Variants in TYW1B observed in about 807,000 individuals in gnomAD.
TYW1B encodes the protein tRNA-yW synthesizing protein 1 homolog B.
TYW1B carries 73 observed loss-of-function variants against 86.9 expected under a neutral mutation model. That is an observed-to-expected ratio of 0.84 (90% CI 0.70 to 1.02). TYW1B has a LOEUF of 1.02. Among genes scored for constraint, TYW1B ranks in the 50% least tolerant of loss-of-function variants. The pLI is 0.00. For synonymous variants in TYW1B, 248 were observed against 292.8 expected (o/e 0.85, Z 1.56); for missense variants, 637 against 827.4 (o/e 0.77, Z 2.82).
intron 2 of TYW1B, among the ~76,000 whole-genome samples, chr7:72,825,551 G>A (rs1272777511): frequency 1.3e-5 from 2 of 152,082 alleles, no homozygotes; most frequent in Non-Finnish European, 2.9e-5. Context: ...GTGGTAGCAG[G>A]CACCTATAAT....
intron 11 of TYW1B, among the ~76,000 whole-genome samples, chr7:72,689,383 T>G (rs1327490844): frequency 6.6e-6 from 1 of 152,192 alleles, no homozygotes; most frequent in Admixed American, 6.5e-5. Flanking sequence ...ATGCAACATG[T>G]CATTTCTGGC....
intron 12 of TYW1B, among the ~76,000 whole-genome samples, chr7:72,619,647 CAAAAA>C (rs34309451): frequency 1.5e-5 from 1 of 68,762 alleles, no homozygotes; most frequent in African/African-American, 5.6e-5. Flanking sequence ...GACTCCGTCT[CAAAAA>C]AAAAAAAAAA....
intron 8 of TYW1B, among the ~76,000 whole-genome samples, chr7:72,738,537 G>T (rs1323009225): frequency 6.6e-6 from 1 of 152,046 alleles, no homozygotes; most frequent in Non-Finnish European, 1.5e-5. Flanking sequence ...TATGCATTAG[G>T]GAATGCTTAG....
chr7:72,765,182 C>G (rs1368375353), intron 7 of TYW1B, among the ~76,000 whole-genome samples: 4 of 152,156 alleles, frequency 2.6e-5, no homozygotes, highest in Non-Finnish European at 4.4e-5. Context: ...GGAAGGCTCA[C>G]GATCCTTAAG....
intron 8 of TYW1B, among the ~76,000 whole-genome samples, chr7:72,736,448 C>CT (rs1211643762): frequency 6.6e-6 from 1 of 152,164 alleles, no homozygotes; most frequent in Admixed American, 6.5e-5. Flanking sequence ...TAGCACAGGT[C>CT]TTTGAATAAA....
chr7:72,655,190 T>A (rs1258173247), intron 11 of TYW1B, among the ~76,000 whole-genome samples: 1 of 151,890 alleles, frequency 6.6e-6, no homozygotes, highest in Non-Finnish European at 1.5e-5. Flanking sequence ...ATTGGGAATG[T>A]CTAAGACACA....
At chr7:72,721,929 A>C (rs1554457624) in intron 9 of TYW1B, among the ~76,000 whole-genome samples, 1 of 152,152 alleles carries the variant, frequency 6.6e-6, no homozygotes, top group Non-Finnish European at 1.5e-5. Flanking sequence ...ATAGCGATAA[A>C]CCAAATAACA....
intron 6 of TYW1B, among the ~76,000 whole-genome samples, chr7:72,787,606 A>G (rs1454037164): frequency 6.6e-6 from 1 of 151,768 alleles, no homozygotes; most frequent in Non-Finnish European, 1.5e-5. Context: ...CCCTGTCTAT[A>G]CTAAAAATAC....
chr7:72,824,136 A>C (rs576782946), intron 2 of TYW1B, among the ~76,000 whole-genome samples: 10 of 152,262 alleles, frequency 6.6e-5, no homozygotes, highest in Non-Finnish European at 1.0e-4. Flanking sequence ...AAAATGAAGC[A>C]AAGTATCTGC....
At chr7:72,664,208 G>T (rs1374580123) in intron 11 of TYW1B, among the ~76,000 whole-genome samples, 1 of 151,520 alleles carries the variant, frequency 6.6e-6, no homozygotes, top group African/African-American at 2.4e-5. Flanking sequence ...GATTACTTTG[G>T]TAACAGGCAT....
intron 11 of TYW1B, among the ~76,000 whole-genome samples, chr7:72,644,920 C>T (rs1208290666): frequency 2.6e-5 from 4 of 151,388 alleles, no homozygotes; most frequent in African/African-American, 9.7e-5. Flanking sequence ...CTCTGCCTCC[C>T]GGGTTCAAGC....
intron 2 of TYW1B, among the ~76,000 whole-genome samples, chr7:72,824,402 C>G (rs1788891992): frequency 6.6e-6 from 1 of 152,012 alleles, no homozygotes; most frequent in South Asian, 2.1e-4. Flanking sequence ...GAATTCAAGA[C>G]CAGCCTGGAC....
chr7:72,591,144 T>C (rs1177500283), intron 13 of TYW1B, among the ~76,000 whole-genome samples: 1 of 149,584 alleles, frequency 6.7e-6, no homozygotes, highest in Non-Finnish European at 1.5e-5. Flanking sequence ...CACATCCGAA[T>C]AGCAAAAAAA....
chr7:72,803,738 A>T (rs1367923347), intron 5 of TYW1B, among the ~76,000 whole-genome samples: 1 of 151,770 alleles, frequency 6.6e-6, no homozygotes, highest in Admixed American at 6.6e-5. Flanking sequence ...CTCAGCCTCC[A>T]GAGTAGCTGG....
At chr7:72,751,471 T>C (rs1787499468) in intron 7 of TYW1B, among the ~76,000 whole-genome samples, 1 of 152,242 alleles carries the variant, frequency 6.6e-6, no homozygotes, top group South Asian at 2.1e-4. Context: ...TTTCTCTTAC[T>C]GTACGTCTCA....
chr7:72,718,739 T>G (rs1786836885), intron 9 of TYW1B, among the ~76,000 whole-genome samples: 1 of 152,206 alleles, frequency 6.6e-6, no homozygotes, highest in African/African-American at 2.4e-5. Context: ...AACTCAGCAT[T>G]AAGCATAACA....
At chr7:72,794,060 T>C (rs1400263075) in intron 6 of TYW1B, among the ~76,000 whole-genome samples, 1 of 152,166 alleles carries the variant, frequency 6.6e-6, no homozygotes, top group Non-Finnish European at 1.5e-5. Context: ...GCTACTTGCA[T>C]TAGCAAGTGA....
chr7:72,668,856 A>T (rs568798893), intron 11 of TYW1B, among the ~76,000 whole-genome samples: 4 of 152,248 alleles, frequency 2.6e-5, no homozygotes, highest in Non-Finnish European at 4.4e-5. Context: ...GCCTTTTCTG[A>T]TGTCAATGTC....
At chr7:72,757,187 G>A (rs1358907132) in intron 7 of TYW1B, among the ~76,000 whole-genome samples, 4 of 152,090 alleles carry the variant, frequency 2.6e-5, no homozygotes, top group African/African-American at 9.7e-5. Context: ...GACCAACATG[G>A]TGAAACCCTG....
Sources: allele counts gnomAD v4.1 joint callset (sites outside exome capture counted in the v4.1 genomes callset), GRCh38; gene constraint gnomAD v4.1.1; transcripts MANE v1.5; gene names NCBI Gene and HGNC (gene_info 2026-07-23, HGNC 2026-07-21).